GTF2F2: variants seen among roughly 807,000 people sequenced by gnomAD.
The protein encoded by GTF2F2 is ATP-dependent helicase GTF2F2.
In GTF2F2, 23 loss-of-function variants were observed where a neutral mutation model predicts 42.2. The ratio of observed to expected loss-of-function variants is 0.55; its 90% CI spans 0.39 to 0.77. The LOEUF (loss-of-function observed/expected upper bound fraction) is 0.77, where lower values mean the gene tolerates loss of function less well. Ranked by LOEUF, GTF2F2 falls within the 30% of genes least tolerant of loss-of-function variation. GTF2F2 has a pLI of 0.00. For synonymous variants in GTF2F2, 105 were observed against 100.8 expected, an observed-to-expected ratio of 1.04 and a Z score of -0.25; for missense variants, 261 against 287.2, an observed-to-expected ratio of 0.91 and a Z score of 0.66.
intron 4 of GTF2F2, among the ~76,000 whole-genome samples, chr13:45,184,125 G>A (rs1164278408): frequency 3.3e-5 from 5 of 152,016 alleles, no homozygotes; most frequent in Admixed American, 6.6e-5. Context: ...CAAAGTGAGC[G>A]ACTGCACCTG....
intron 4 of GTF2F2, among the ~76,000 whole-genome samples, chr13:45,203,912 G>A (rs2138185934): frequency 6.6e-6 from 1 of 152,112 alleles, no homozygotes; most frequent in South Asian, 2.1e-4. Flanking sequence ...CTCGAAATGT[G>A]GTCTGGGAAC....
intron 4 of GTF2F2, among the ~76,000 whole-genome samples, chr13:45,167,435 G>A (rs1360370554): frequency 7.4e-6 from 1 of 134,434 alleles, no homozygotes; most frequent in Non-Finnish European, 1.6e-5. Flanking sequence ...GCCTTGCTGT[G>A]TCACCAGGCT....
At chr13:45,162,862 A>G (rs930759253) in intron 4 of GTF2F2, among the ~76,000 whole-genome samples, 9 of 152,150 alleles carry the variant, frequency 5.9e-5, no homozygotes, top group Non-Finnish European at 1.3e-4. Context: ...GCTGTATTTC[A>G]TAAGTGTTGA....
intron 1 of GTF2F2, among the ~76,000 whole-genome samples, chr13:45,134,780 T>C (rs146234793): frequency 6.6e-6 from 1 of 152,140 alleles, no homozygotes; most frequent in African/African-American, 2.4e-5. Context: ...AAGACCAGTC[T>C]GGAGTTGAGT....
At chr13:45,158,752 C>T (rs928489709) in intron 4 of GTF2F2, among the ~76,000 whole-genome samples, 3 of 152,170 alleles carry the variant, frequency 2.0e-5, no homozygotes, top group Non-Finnish European at 2.9e-5. Flanking sequence ...GTTATCTCCA[C>T]GGTGCCTAGT....
chr13:45,158,229 T>C (rs148905449), intron 4 of GTF2F2, among the ~76,000 whole-genome samples: 1 of 152,298 alleles, frequency 6.6e-6, no homozygotes, highest in African/African-American at 2.4e-5. Flanking sequence ...ACTGTTCTTG[T>C]GGTAGTGAAT....
chr13:45,259,731 C>T (rs1328119936), intron 6 of GTF2F2, among the ~76,000 whole-genome samples: 2 of 140,044 alleles, frequency 1.4e-5, no homozygotes, highest in African/African-American at 5.2e-5. Flanking sequence ...AATCTCGGCT[C>T]ACTGCAAGCT....
intron 7 of GTF2F2, among the ~76,000 whole-genome samples, chr13:45,268,587 A>G (rs1876663536): frequency 6.6e-6 from 1 of 152,126 alleles, no homozygotes; most frequent in Admixed American, 6.5e-5. Flanking sequence ...ACAGCATTCT[A>G]AGCTAGATTA....
At chr13:45,229,994 T>A (rs901788786) in intron 5 of GTF2F2, among the ~76,000 whole-genome samples, 11 of 152,088 alleles carry the variant, frequency 7.2e-5, no homozygotes, top group African/African-American at 2.7e-4. Flanking sequence ...GGTGGGCAGA[T>A]CGCTTGAGGT....
Position 45,237,262 on chromosome 13 carries a change from A to ACCT in GTF2F2, c.387-15609_387-15608insCCT, listed in dbSNP as rs1377002171. 2.0e-5 allele frequency among the ~76,000 whole-genome samples: 3 copies of ACCT among 152,308 alleles called. No homozygotes were observed. In the East Asian group the frequency reaches 5.8e-4, roughly 29 times the overall value. ...TTTTACCTGCAGCTGAATGACATTT[A>ACCT]GGAAGAAATTTTTTTAATCTTTGAA... On this transcript the variant is annotated intron_variant, in intron 5 of 7. Transcript: ENST00000340473.
rs1262016295 is a variant in GTF2F2, at chr13:45,224,657, A to G, written c.386+17152A>G. On this transcript the variant is annotated intron_variant, in intron 5 of 7. Coordinates refer to ENST00000340473, the MANE Select transcript of GTF2F2 (RefSeq NM_004128.3). Reference sequence around the variant, plus strand: ...TGTACCATCTATCTGAAACTCAGATATATAATAAAGTATTGCTAATTAAAT... The same window carrying G: ...TGTACCATCTATCTGAAACTCAGATGTATAATAAAGTATTGCTAATTAAAT... Among the ~76,000 whole-genome samples, 13 of 152,250 alleles carry G rather than the reference A, an allele frequency of 8.5e-5. No individual in the cohort carries two copies. The East Asian group carries it at 2.5e-3, about 29-fold the overall frequency.
chr13:45,280,922 T>G (rs1484536394), intron 7 of GTF2F2, among the ~76,000 whole-genome samples: 1 of 152,244 alleles, frequency 6.6e-6, no homozygotes. Context: ...CAACATCGTC[T>G]TAGCCAGTCT....
intron 7 of GTF2F2, among the ~76,000 whole-genome samples, chr13:45,273,208 G>A (rs986860511): frequency 6.7e-6 from 1 of 150,350 alleles, no homozygotes; most frequent in African/African-American, 2.5e-5. Context: ...TTACAGGTGT[G>A]AGCCACCGTG....
rs144421382 is a variant in GTF2F2, at chr13:45,241,992, A to C, written c.387-10879A>C. On this transcript the variant is annotated intron_variant, in intron 5 of 7. Coordinates refer to ENST00000340473, the MANE Select transcript of GTF2F2 (RefSeq NM_004128.3). ...TGCCAGATAAGGATATAATACATTT[A>C]CTTGTTAATTCCAAGCCCTAAAATT... is the stretch of plus-strand genomic sequence containing the variant. 2.1e-3 allele frequency among the ~76,000 whole-genome samples: 324 copies of C among 152,306 alleles called. 4 individuals carry two copies. Among genetic ancestry groups the C allele is most frequent in the African/African-American group, 7.4e-3 (306 of 41,576 alleles).
intron 5 of GTF2F2, among the ~76,000 whole-genome samples, chr13:45,216,810 C>T (rs1278618635): frequency 6.6e-5 from 10 of 151,892 alleles, no homozygotes; most frequent in African/African-American, 1.2e-4. Context: ...TGAACCACCG[C>T]GCCGGCCCAA....
rs185365885 is a variant in GTF2F2, at chr13:45,175,027, G to A, written c.304+23196G>A. Among the ~76,000 whole-genome samples the A allele has an allele frequency of 2.5e-4, 38 of 152,262 alleles. No homozygotes were observed. The East Asian group carries it at 7.1e-3, about 29-fold the overall frequency. On this transcript the variant is annotated intron_variant, in intron 4 of 7. Transcript: ENST00000340473. ...TTGTTAACTATAGTCACCTTGCAGT[G>A]TAATAGAACAGTAGAACTTATTTCT...
intron 3 of GTF2F2, among the ~76,000 whole-genome samples, chr13:45,150,920 T>C (rs1259226819): frequency 6.6e-6 from 1 of 152,184 alleles, no homozygotes; most frequent in Admixed American, 6.6e-5. Context: ...TGTCTTTTTT[T>C]ATAATGATAG....
At chr13:45,236,515 ACACACACACACAC>A (rs1874995473) in intron 5 of GTF2F2, among the ~76,000 whole-genome samples, 1 of 151,666 alleles carries the variant, frequency 6.6e-6, no homozygotes, top group Non-Finnish European at 1.5e-5. Context: ...ACACACACAC[ACACACACACACAC>A]AAGTTTATGA....
In GTF2F2 at chr13:45,260,021, A is replaced by G. The variant is rs113028578; in HGVS notation, c.486+7051A>G. Among the ~76,000 whole-genome samples, 327 of 152,234 alleles carry G rather than the reference A, an allele frequency of 2.1e-3. 3 individuals are homozygous for G. The highest frequency in any genetic ancestry group is 7.5e-3 in the African/African-American group (313 of 41,540). ...TTCTGGTAAAAGCTCTTGGCCAGAAAGAACTCGAAAACCTTAACTGTGCTC... is the reference window on the plus strand; with the variant it reads ...TTCTGGTAAAAGCTCTTGGCCAGAAGGAACTCGAAAACCTTAACTGTGCTC... On this transcript the variant is annotated intron_variant, in intron 6 of 7. Transcript: ENST00000340473.
Sources: allele counts gnomAD v4.1 joint callset (sites outside exome capture counted in the v4.1 genomes callset), GRCh38; gene constraint gnomAD v4.1.1; transcripts MANE v1.5; gene names NCBI Gene and HGNC (gene_info 2026-07-23, HGNC 2026-07-21).